Variants in PATJ observed in about 807,000 individuals in gnomAD.
PATJ encodes inaD-like protein.
PATJ carries 190 observed loss-of-function variants against 224.9 expected under a neutral mutation model. That is an observed-to-expected ratio of 0.84 (90% CI 0.75 to 0.95). The LOEUF (loss-of-function observed/expected upper bound fraction) is 0.95. Ranked by LOEUF, PATJ falls within the 40% of genes least tolerant of loss-of-function variation. The pLI is 0.00. For synonymous variants in PATJ, 769 were observed against 820.3 expected (o/e 0.94, Z 1.07); for missense variants, 2,121 against 2,270.3 (o/e 0.93, Z 1.34).
At chr1:61,777,903 A>G (rs2148419016) in intron 7 of PATJ, among the ~76,000 whole-genome samples, 1 of 151,480 alleles carries the variant, frequency 6.6e-6, no homozygotes, top group South Asian at 2.1e-4. Flanking sequence ...TTTTTGAGAC[A>G]GGGTCTCACT....
At chr1:61,805,331 C>T in intron 12 of PATJ, 117 bp from the exon 13 acceptor site, 1 of 648,756 alleles carries the variant, frequency 1.5e-6, no homozygotes. Flanking sequence ...CCTTTTTATT[C>T]ATTTCCCCTT....
At chr1:61,905,010 C>T (rs953494155) in intron 24 of PATJ, among the ~76,000 whole-genome samples, 14 of 152,296 alleles carry the variant, frequency 9.2e-5, no homozygotes, top group Admixed American at 8.5e-4. Flanking sequence ...GGATTGAGTC[C>T]AAGAGTTCAA....
chr1:61,784,434 C>T (rs1031592216), intron 7 of PATJ, among the ~76,000 whole-genome samples: 3 of 152,190 alleles, frequency 2.0e-5, no homozygotes, highest in African/African-American at 7.2e-5. Context: ...ATCAATCTGA[C>T]TAATGACTAT....
At chr1:61,744,342 T>C (rs144169177) in intron 1 of PATJ, among the ~76,000 whole-genome samples, 40 of 150,160 alleles carry the variant, frequency 2.7e-4, no homozygotes, top group African/African-American at 9.5e-4. Flanking sequence ...TTATCTGAAT[T>C]ACTGCATTCC....
intron 17 of PATJ, among the ~76,000 whole-genome samples, chr1:61,841,521 G>C (rs1661081714): frequency 6.6e-6 from 1 of 150,992 alleles, no homozygotes; most frequent in African/African-American, 2.4e-5. Flanking sequence ...TGTACTATAA[G>C]TTATTATACA....
At position 61,878,835 on chromosome 1, in the gene PATJ, G is replaced by A. The variant is rs936730243; in HGVS notation, c.2959+3469G>A. 7.4e-4 allele frequency among the ~76,000 whole-genome samples: 112 copies of A among 151,516 alleles called. 1 individual carries two copies. Among genetic ancestry groups the A allele is most frequent in the Non-Finnish European group, 2.9e-5 (2 of 67,944 alleles). On this transcript the variant is annotated intron_variant, in intron 21 of 43. Coordinates refer to ENST00000642238, the MANE Select transcript of PATJ (RefSeq NM_001350145.3). ...GTCTCACTGTGTCACCCATGCTGGA[G>A]TGCAGTGGCACAATCTCGGCTCACT...
chr1:61,958,308 T>A (rs535498642), intron 27 of PATJ, among the ~76,000 whole-genome samples: 1 of 152,330 alleles, frequency 6.6e-6, no homozygotes, highest in African/African-American at 2.4e-5. Context: ...GGTTTTTCCC[T>A]TGCTGTAAAG....
Position 61,927,829 on chromosome 1 carries a change from C to A in PATJ, c.3670C>A (p.Gln1224Lys), listed in dbSNP as rs371868730. 1.7e-5 allele frequency: 27 copies of A among 1,600,964 alleles called. No homozygotes were observed. Among genetic ancestry groups the A allele is most frequent in the Admixed American group, 6.7e-5 (4 of 59,448 alleles). ...ENEEEDAFTDQKIRQRYADLP... is the reference protein window; with the variant it reads ...ENEEEDAFTDKKIRQRYADLP... ...TGAAGAAGAAGATGCCTTTACCGAC[C>A]GTGAGTGCCTTTTCACTATTTAGGG... Residue 1224 changes from glutamine to lysine, a missense_variant and splice_region_variant, in exon 27 of 44, where the codon CAA becomes AAA. Coordinates refer to ENST00000642238, the MANE Select transcript of PATJ (RefSeq NM_001350145.3).
chr1:61,832,546 C>A (rs902352688), intron 16 of PATJ, among the ~76,000 whole-genome samples: 1 of 151,946 alleles, frequency 6.6e-6, no homozygotes, highest in Non-Finnish European at 1.5e-5. Flanking sequence ...TTACTTGGTA[C>A]CTTTATTGAG....
intron 17 of PATJ, among the ~76,000 whole-genome samples, chr1:61,848,647 C>T (rs909888194): frequency 4.6e-5 from 7 of 152,074 alleles, no homozygotes; most frequent in African/African-American, 1.7e-4. Flanking sequence ...ACCTCCTGGA[C>T]TCAAGCGATC....
chr1:62,101,264 T>C (rs144977067), intron 33 of PATJ, among the ~76,000 whole-genome samples: 5,266 of 147,850 alleles, frequency 0.036, 159 homozygotes, highest in African/African-American at 0.08. Flanking sequence ...CTTTTCTTTT[T>C]TTTTTTTTTT....
intron 29 of PATJ, among the ~76,000 whole-genome samples, chr1:62,023,891 G>A (rs539969229): frequency 1.3e-5 from 2 of 152,174 alleles, no homozygotes; most frequent in East Asian, 1.9e-4. Flanking sequence ...GTCTGTTGAG[G>A]GTTTTTATTA....
At chr1:61,901,783 C>T (rs2499003) in intron 24 of PATJ, among the ~76,000 whole-genome samples, 125,330 of 152,142 alleles carry the variant, frequency 0.82, 52,225 homozygotes, top group East Asian at 1. Context: ...AATTTTTTTC[C>T]TGAAGCCCTA....
chr1:61,868,174 T>G (rs1665711329), intron 20 of PATJ, among the ~76,000 whole-genome samples: 1 of 152,228 alleles, frequency 6.6e-6, no homozygotes, highest in South Asian at 2.1e-4. Flanking sequence ...TTTACCATTT[T>G]AATCATTTTT....
intron 17 of PATJ, among the ~76,000 whole-genome samples, chr1:61,851,750 C>A (rs1662837178): frequency 6.6e-6 from 1 of 152,056 alleles, no homozygotes; most frequent in Non-Finnish European, 1.5e-5. Flanking sequence ...GAAACTGTAG[C>A]AGCTGCTCAG....
chr1:61,961,939 A>G (rs1278175482), intron 27 of PATJ, among the ~76,000 whole-genome samples: 3 of 150,120 alleles, frequency 2.0e-5, no homozygotes, highest in Non-Finnish European at 4.4e-5. Flanking sequence ...ATCGCACTCC[A>G]GCCTGGGCGA....
At chr1:61,855,399 G>A (rs1323915362) in intron 17 of PATJ, among the ~76,000 whole-genome samples, 1 of 152,144 alleles carries the variant, frequency 6.6e-6, no homozygotes, top group East Asian at 1.9e-4. Context: ...TTTGCGTGAT[G>A]TTTTATTTAT....
chr1:61,997,781 C>T (rs1248531723), intron 28 of PATJ, among the ~76,000 whole-genome samples: 3 of 133,268 alleles, frequency 2.3e-5, no homozygotes, highest in African/African-American at 2.8e-5. Flanking sequence ...TTTATGTGTG[C>T]GGTTTTTTGT....
intron 17 of PATJ, among the ~76,000 whole-genome samples, chr1:61,838,296 TG>T (rs1290927578): frequency 2.6e-5 from 4 of 152,228 alleles, no homozygotes; most frequent in African/African-American, 9.6e-5. Context: ...GATTGTGTCA[TG>T]GCAAACAATG....
Sources: allele counts gnomAD v4.1 joint callset (sites outside exome capture counted in the v4.1 genomes callset), GRCh38; gene constraint gnomAD v4.1.1; transcripts MANE v1.5; gene names NCBI Gene and HGNC (gene_info 2026-07-23, HGNC 2026-07-21).